Variants in CHRNA7 observed in about 807,000 individuals in gnomAD.
CHRNA7 encodes the protein neuronal acetylcholine receptor subunit alpha-7.
In CHRNA7, 17 loss-of-function variants were observed where a neutral mutation model predicts 48.0. The ratio of observed to expected loss-of-function variants is 0.35; its 90% CI spans 0.24 to 0.53. The LOEUF (loss-of-function observed/expected upper bound fraction) is 0.53. Ranked by LOEUF, CHRNA7 falls within the 20% of genes least tolerant of loss-of-function variation. The probability of loss-of-function intolerance (pLI) is 0.92; values close to 1 mark genes in which losing one functional copy is unlikely to be tolerated. For synonymous variants in CHRNA7, 75 were observed against 242.3 expected (o/e 0.31, Z 6.41); for missense variants, 155 against 577.7 (o/e 0.27, Z 7.50).
At chr15:32,116,769 G>A (rs1444482076) in intron 4 of CHRNA7, among the ~76,000 whole-genome samples, 1 of 152,202 alleles carries the variant, frequency 6.6e-6, no homozygotes, top group African/African-American at 2.4e-5. Flanking sequence ...AAATTCTATT[G>A]CAATAATGGA....
intron 2 of CHRNA7, among the ~76,000 whole-genome samples, chr15:32,095,643 A>G (rs1333789377): frequency 6.6e-6 from 1 of 152,094 alleles, no homozygotes; most frequent in Non-Finnish European, 1.5e-5. Flanking sequence ...AGCCTCCGCA[A>G]ACCTCTATGG....
intron 2 of CHRNA7, among the ~76,000 whole-genome samples, chr15:32,066,193 A>G (rs2049963366): frequency 6.6e-6 from 1 of 152,280 alleles, no homozygotes; most frequent in African/African-American, 2.4e-5. Context: ...ACTTTACAGA[A>G]TTAGTTGAGA....
intron 9 of CHRNA7, chr15:32,165,539 CCT>C (rs2052055563): frequency 6.6e-6 from 1 of 151,598 alleles, no homozygotes; most frequent in African/African-American, 2.4e-5. Context: ...TAATTATTCA[CCT>C]CTCAGCATAA....
At chr15:32,114,046 A>ATATATATATATATATATATG (rs1566848881) in intron 4 of CHRNA7, among the ~76,000 whole-genome samples, 10 of 44,762 alleles carry the variant, frequency 2.2e-4, no homozygotes, top group African/African-American at 6.6e-4. Context: ...ATATATATGT[A>ATATATATATATATATATATG]TATATATATA....
intron 4 of CHRNA7, among the ~76,000 whole-genome samples, chr15:32,118,674 G>A (rs541110715): frequency 6.6e-6 from 1 of 152,146 alleles, no homozygotes; most frequent in East Asian, 1.9e-4. Flanking sequence ...TTTAGTGAAG[G>A]CTCCCTCAGC....
chr15:32,129,279 CCT>C (rs1361209203), intron 4 of CHRNA7, among the ~76,000 whole-genome samples: 2 of 151,756 alleles, frequency 1.3e-5, no homozygotes, highest in African/African-American at 4.8e-5. Context: ...TTAATAAAAG[CCT>C]CTGTGTTTTA....
chr15:32,137,391 G>A lies in CHRNA7; in HGVS notation c.351-16516G>A, dbSNP rs367856710. Among the ~76,000 whole-genome samples, 6 of 151,584 alleles carry A rather than the reference G, an allele frequency of 4.0e-5. No homozygotes were observed. The East Asian group carries it at 1.2e-3, about 30-fold the overall frequency. On this transcript the variant is annotated intron_variant, in intron 4 of 9. Coordinates refer to ENST00000306901, the MANE Select transcript of CHRNA7 (RefSeq NM_000746.6). The stretch of plus-strand genomic sequence containing the variant: ...ACAAGTATAATTAAGGTTAAATAAG[G>A]TCAGGTGATAGTGATTTTTTAAAAC...
At chr15:32,103,865 G>A (rs377409587) in intron 3 of CHRNA7, among the ~76,000 whole-genome samples, 32 of 152,216 alleles carry the variant, frequency 2.1e-4, no homozygotes, top group African/African-American at 6.7e-4. Context: ...CTCTTGTCTC[G>A]CACACCTCAC....
intron 2 of CHRNA7, among the ~76,000 whole-genome samples, chr15:32,068,463 A>G (rs1488635575): frequency 6.6e-6 from 1 of 152,208 alleles, no homozygotes; most frequent in Non-Finnish European, 1.5e-5. Flanking sequence ...CAAAGGCACA[A>G]ATAGGTTGAA....
At position 32,046,872 on chromosome 15, in the gene CHRNA7, T is replaced by A. The variant is rs1337480653; in HGVS notation, c.195+15835T>A. ...TAAGGTGTAAGGAAGGGATCCAGTT[T>A]CAGCTTTCTACACATGGCTAGCCAG... On this transcript the variant is annotated intron_variant, in intron 2 of 9. Transcript: ENST00000306901. Among the ~76,000 whole-genome samples the A allele has an allele frequency of 2.0e-5, 3 of 152,082 alleles. No individual in the cohort carries two copies. The South Asian group carries it at 6.2e-4, about 32-fold the overall frequency.
At chr15:32,126,873 T>G (rs192804088) in intron 4 of CHRNA7, among the ~76,000 whole-genome samples, 31 of 152,308 alleles carry the variant, frequency 2.0e-4, no homozygotes, top group Admixed American at 1.9e-3. Context: ...GAAATTAACA[T>G]TGGTATATTC....
At chr15:32,080,412 T>C (rs548504055) in intron 2 of CHRNA7, among the ~76,000 whole-genome samples, 2 of 152,228 alleles carry the variant, frequency 1.3e-5, no homozygotes, top group South Asian at 4.1e-4. Flanking sequence ...AAAGGTCTAA[T>C]ATCCAGAATC....
chr15:32,071,622 C>T (rs143183030), intron 2 of CHRNA7, among the ~76,000 whole-genome samples: 44 of 152,220 alleles, frequency 2.9e-4, no homozygotes, highest in African/African-American at 9.4e-4. Context: ...GCTACCCTCC[C>T]CAGTATAATG....
At chr15:32,147,605 A>G (rs573756813) in intron 4 of CHRNA7, among the ~76,000 whole-genome samples, 2 of 152,112 alleles carry the variant, frequency 1.3e-5, no homozygotes, top group Non-Finnish European at 2.9e-5. Context: ...TCTTTTTTTA[A>G]AAAAAGGAAA....
intron 2 of CHRNA7, among the ~76,000 whole-genome samples, chr15:32,036,984 T>A (rs752086275): frequency 6.6e-6 from 1 of 152,194 alleles, no homozygotes; most frequent in Non-Finnish European, 1.5e-5. Flanking sequence ...GCCTCTGGTA[T>A]TGTATCTAAA....
intron 3 of CHRNA7, among the ~76,000 whole-genome samples, chr15:32,105,415 T>TGGAGGAGGAGAAGGAAAAGAGGC: frequency 9.1e-6 from 1 of 110,210 alleles, no homozygotes; most frequent in Non-Finnish European, 1.9e-5. Context: ...TTGGAGGAGG[T>TGGAGGAGGAGAAGGAAAAGAGGC]GGAGGAGGAG....
intron 2 of CHRNA7, among the ~76,000 whole-genome samples, chr15:32,045,240 T>C (rs1028975661): frequency 1.3e-5 from 2 of 152,220 alleles, no homozygotes; most frequent in Non-Finnish European, 1.5e-5. Context: ...TTTGCTTTTC[T>C]GTTACATGGT....
At chr15:32,114,495 G>A (rs1056177706) in intron 4 of CHRNA7, among the ~76,000 whole-genome samples, 1 of 152,124 alleles carries the variant, frequency 6.6e-6, no homozygotes, top group Non-Finnish European at 1.5e-5. Flanking sequence ...TCTTTCCCAT[G>A]GTGGACATAG....
rs947484002 is a variant in CHRNA7, at chr15:32,065,149, C to T, written c.195+34112C>T. Among the ~76,000 whole-genome samples the T allele has an allele frequency of 5.9e-5, 9 of 152,142 alleles. No individual in the cohort carries two copies. The South Asian group carries it at 1.0e-3, about 18-fold the overall frequency. On this transcript the variant is annotated intron_variant, in intron 2 of 9. Transcript: ENST00000306901. ...GCATTTATTTTTTATAAAAATAGGC[C>T]GAATCTTGGTAAGAACAGTGACTTT...
Sources: allele counts gnomAD v4.1 joint callset (sites outside exome capture counted in the v4.1 genomes callset), GRCh38; gene constraint gnomAD v4.1.1; transcripts MANE v1.5; gene names NCBI Gene and HGNC (gene_info 2026-07-23, HGNC 2026-07-21).